The following RYR1 variants were observed in gnomAD, a reference collection of about 807,000 sequenced individuals.
RYR1 encodes the protein ryanodine receptor 1, also known as central core disease of muscle.
In RYR1, 342 loss-of-function variants were observed where a neutral mutation model predicts 583.5. The ratio of observed to expected loss-of-function variants is 0.59; its 90% CI spans 0.54 to 0.64. RYR1 has a LOEUF of 0.64. Among genes scored for constraint, RYR1 ranks in the 30% least tolerant of loss-of-function variants. The probability of loss-of-function intolerance (pLI) is 0.00; values close to 1 mark genes in which losing one functional copy is unlikely to be tolerated. For missense variants in RYR1, 6,032 were observed against 6,917.2 expected (o/e 0.87, Z 4.54); for synonymous variants, 2,791 against 2,822.5 (o/e 0.99, Z 0.35).
chr19:38,562,238 C>T (rs1363254720), intron 90 of RYR1, among the ~76,000 whole-genome samples: 1 of 152,084 alleles, frequency 6.6e-6, no homozygotes, highest in Non-Finnish European at 1.5e-5. Context: ...TCTGACATGC[C>T]CTATCTCAGC....
chr19:38,573,074 G>A, intron 95 of RYR1, 103 bp from the exon 96 acceptor site: 2 of 1,550,970 alleles, frequency 1.3e-6, no homozygotes, highest in Non-Finnish European at 1.8e-6. Context: ...CACTTCTGAT[G>A]TGGGGTCACA....
chr19:38,508,726 G>A (rs1209869730), intron 58 of RYR1, among the ~76,000 whole-genome samples: 1 of 152,132 alleles, frequency 6.6e-6, no homozygotes, highest in East Asian at 1.9e-4. Flanking sequence ...CGAGGGGGAC[G>A]GTGAGATAAA....
Position 38,512,122 on chromosome 19 carries a change from C to G in RYR1, c.9223C>G (p.Leu3075Val), listed in dbSNP as rs892645913. 6 of 1,614,086 alleles carry G rather than the reference C, an allele frequency of 3.7e-6. No individual in the cohort carries two copies. The highest frequency in any genetic ancestry group is 3.3e-5 in the Admixed American group (2 of 60,004). Residue 3075 changes from leucine (L) to valine (V), a missense_variant, in exon 62 of 106, where the codon CTG (leucine) becomes GTG (valine). Physicochemically the swap from Leu to Val is conservative, Grantham distance 32. Transcript: ENST00000359596. The surrounding 1 kb of genome is among the most constrained non-coding windows in gnomAD (Gnocchi z 5.1). ...VNCLHILARS[L>V]DARTVMKSGP... ...CTGTCTTCACATCCTGGCCCGCTCC[C>G]TGGATGCCAGGTAGGGCCATAGGCA...
chr19:38,466,240 G>A lies in RYR1; in HGVS notation c.3020G>A (p.Ser1007Asn). Residue 1007 changes from serine (S) to asparagine (N), a missense_variant, in exon 24 of 106, where the codon AGC (serine) becomes AAC (asparagine). Ser to Asn is a conservative substitution (Grantham distance 46, BLOSUM62 1). Around this residue, in one of 11 missense-constraint regions of RYR1, gnomAD observed 2,627 missense variants for 2,961.3 expected, o/e 0.89. Coordinates refer to ENST00000359596, the MANE Select transcript of RYR1 (RefSeq NM_000540.3). ...CGCGTGGGCCAGGGCTGGAGCTACA[G>A]CGCAGTGCAGGACATCCCAGCGCGC... Reference protein sequence around the residue: ...RDRVGQGWSYSAVQDIPARRN... With the variant: ...RDRVGQGWSYNAVQDIPARRN... The A allele has an allele frequency of 6.2e-7, 1 of 1,613,436 alleles. No individual in the cohort carries two copies. Among genetic ancestry groups the A allele is most frequent in the Non-Finnish European group, 8.5e-7 (1 of 1,179,958 alleles).
At chr19:38,566,335 G>C (rs1208990964) in intron 91 of RYR1, among the ~76,000 whole-genome samples, 2 of 150,650 alleles carry the variant, frequency 1.3e-5, no homozygotes, top group Non-Finnish European at 3.0e-5. Flanking sequence ...TGTAATCCCA[G>C]CTACTCGGGA....
intron 88 of RYR1, among the ~76,000 whole-genome samples, chr19:38,546,965 C>G (rs1340595518): frequency 2.0e-5 from 3 of 150,498 alleles, no homozygotes; most frequent in Non-Finnish European, 4.4e-5. Context: ...AAAACAAACC[C>G]CAAAAACAAA....
intron 84 of RYR1, among the ~76,000 whole-genome samples, chr19:38,541,501 G>A (rs1449761759): frequency 1.3e-5 from 2 of 152,104 alleles, no homozygotes; most frequent in African/African-American, 2.4e-5. Flanking sequence ...GGATCACAAG[G>A]TCAGGAGTTG....
chr19:38,552,358 G>C (rs1270246095), intron 89 of RYR1, among the ~76,000 whole-genome samples: 2 of 151,754 alleles, frequency 1.3e-5, no homozygotes, highest in African/African-American at 2.4e-5. Context: ...GGGTTCAAGC[G>C]ATTCTTCTGC....
intron 71 of RYR1, 124 bp downstream of exon 71, chr19:38,525,626 C>T (rs1406339801): frequency 2.9e-6 from 3 of 1,050,284 alleles, no homozygotes; most frequent in Non-Finnish European, 2.9e-6. Context: ...GCCTTCCCTT[C>T]AGACCCCACT....
intron 101 of RYR1, among the ~76,000 whole-genome samples, chr19:38,581,901 C>T (rs1259819995): frequency 2.0e-5 from 3 of 152,150 alleles, no homozygotes; most frequent in African/African-American, 7.2e-5. Flanking sequence ...AGCAACTGCA[C>T]CCGGCCTTAT....
rs1969835766 is a variant in RYR1, at chr19:38,496,522, G to C, written c.6777G>C (p.Glu2259Asp). ...SMFDHLSYLL[E>D]NSGIGLGMQG... The stretch of plus-strand genomic sequence containing the variant: ...TTGACCACCTGAGCTACCTGCTGGA[G>C]AACAGTGGCATCGGCCTGGGTGAGA... The change falls in exon 41 of 106, where the codon GAG becomes GAC. Residue 2259 changes from glutamate to aspartate, a missense_variant. Glu to Asp is a conservative substitution (Grantham distance 45). Coordinates refer to ENST00000359596, the MANE Select transcript of RYR1 (RefSeq NM_000540.3). The surrounding 1 kb of genome is among the most constrained non-coding windows in gnomAD (Gnocchi z 4.8). The C allele has an allele frequency of 1.2e-6, 2 of 1,613,392 alleles. No homozygotes were observed. The highest frequency in any genetic ancestry group is 1.6e-4 in the Middle Eastern group (1 of 6,084).
In RYR1 at chr19:38,502,545, C is replaced by T. The variant is rs201166038; in HGVS notation, c.7653C>T (p.Asn2551=). The change falls in exon 48 of 106, where the codon AAC becomes AAT. Residue 2551 remains asparagine, a synonymous_variant. Coordinates refer to ENST00000359596, the MANE Select transcript of RYR1 (RefSeq NM_000540.3). ...FSTTEMALAL[N]RYLCLAVLPL... Reference sequence around the variant, plus strand: ...CCACCGAGATGGCGCTGGCGCTGAACCGCTACCTGTGCCTGGCCGTGCTGC... The same window carrying T: ...CCACCGAGATGGCGCTGGCGCTGAATCGCTACCTGTGCCTGGCCGTGCTGC... 76 of 1,610,952 alleles carry T rather than the reference C, an allele frequency of 4.7e-5. No homozygotes were observed. Among genetic ancestry groups the T allele is most frequent in the Admixed American group, 6.7e-5 (4 of 59,960 alleles).
chr19:38,494,506 C>T lies in RYR1; in HGVS notation c.6429C>T (p.Thr2143=). The T allele has an allele frequency of 6.2e-7, 1 of 1,613,762 alleles. No homozygotes were observed. The highest frequency in any genetic ancestry group is 8.5e-7 in the Non-Finnish European group (1 of 1,180,026). ...ELLRALPRAY[T]ISPSSVEDTM... ...TGCGTGCCCTGCCGCGGGCGTACACCATCTCACCGTCCTCCGTGGAAGACA... is the reference window on the plus strand; with the variant it reads ...TGCGTGCCCTGCCGCGGGCGTACACTATCTCACCGTCCTCCGTGGAAGACA... The change falls in exon 39 of 106, where the codon ACC becomes ACT. Residue 2143 remains threonine (T), a synonymous_variant. Coordinates refer to ENST00000359596, the MANE Select transcript of RYR1 (RefSeq NM_000540.3).
At chr19:38,455,852 C>T (rs1967348263) in intron 16 of RYR1, 101 bp downstream of exon 16, 1 of 781,700 alleles carries the variant, frequency 1.3e-6, no homozygotes, top group Non-Finnish European at 2.3e-6. Flanking sequence ...CCTCCTCCAT[C>T]TCATCTCTCA....
At chr19:38,501,137 T>G in intron 47 of RYR1, 147 bp downstream of exon 47, 1 of 795,858 alleles carries the variant, frequency 1.3e-6, no homozygotes, top group Non-Finnish European at 2.0e-6. Flanking sequence ...AGATAGAAAA[T>G]GAAAACGAAG....
At chr19:38,524,327 A>C (rs748134810) in intron 70 of RYR1, among the ~76,000 whole-genome samples, 1 of 148,650 alleles carries the variant, frequency 6.7e-6, no homozygotes, top group African/African-American at 2.5e-5. Flanking sequence ...TGGATGGTTT[A>C]AAGCTTGGGC....
chr19:38,507,735 A>T lies in RYR1; in HGVS notation c.8840A>T (p.Asp2947Val). ...AGAGGCCTTAAGGACATGGAACTGGACTCGTCTTCCATTGAAAAGCGGTTT... is the reference window on the plus strand; with the variant it reads ...AGAGGCCTTAAGGACATGGAACTGGTCTCGTCTTCCATTGAAAAGCGGTTT... ...VTRGLKDMEL[D>V]SSSIEKRFAF... Residue 2947 changes from aspartate (D) to valine (V), a missense_variant, in exon 58 of 106, where the codon GAC becomes GTC. Asp to Val is a radical substitution (Grantham distance 152). Transcript: ENST00000359596. 1 of 1,612,730 alleles carries T rather than the reference A, an allele frequency of 6.2e-7. No homozygotes were observed. Among genetic ancestry groups the T allele is most frequent in the Non-Finnish European group, 8.5e-7 (1 of 1,178,922 alleles).
chr19:38,538,781 A>T (rs911063871), intron 84 of RYR1: 1 of 152,208 alleles, frequency 6.6e-6, no homozygotes, highest in Admixed American at 6.5e-5. Context: ...GGTTCAGCCA[A>T]TTTAACAAGA....
intron 89 of RYR1, among the ~76,000 whole-genome samples, chr19:38,559,890 C>T (rs1973048393): frequency 6.6e-6 from 1 of 151,170 alleles, no homozygotes; most frequent in African/African-American, 2.4e-5. Flanking sequence ...GCAGAGTGTG[C>T]TACACAGCAA....
Sources: allele counts gnomAD v4.1 joint callset (sites outside exome capture counted in the v4.1 genomes callset), GRCh38; gene constraint gnomAD v4.1.1; regional missense constraint gnomAD v4.1.1; non-coding constraint Gnocchi (gnomAD v3.1); transcripts MANE v1.5; gene names NCBI Gene and HGNC (gene_info 2026-07-23, HGNC 2026-07-21).